Variants in SRD5A2 observed in about 807,000 individuals in gnomAD.
The protein encoded by SRD5A2 is steroid 5 alpha-reductase 2.
A neutral mutation model predicts 27.4 loss-of-function variants in SRD5A2; 30 were observed. The ratio of observed to expected loss-of-function variants is 1.10; its 90% confidence interval spans 0.82 to 1.49. The LOEUF (loss-of-function observed/expected upper bound fraction) is 1.49. SRD5A2 is among the 40% of genes most tolerant of loss of function. The pLI is 0.00. For missense variants in SRD5A2, 348 were observed against 323.4 expected (o/e 1.08, Z -0.58); for synonymous variants, 141 against 133.6 (o/e 1.06, Z -0.38).
the SRD5A2 span, among the ~76,000 whole-genome samples, chr2:31,644,827 G>A: frequency 2.6e-4 from 40 of 152,146 alleles, no homozygotes; most frequent in African/African-American, 9.6e-4. Context: ...TTGTTCCTAG[G>A]AAATACACAC....
At chr2:31,558,534 CTG>C (rs1666548151) in intron 1 of SRD5A2, among the ~76,000 whole-genome samples, 1 of 152,190 alleles carries the variant, frequency 6.6e-6, no homozygotes, top group Non-Finnish European at 1.5e-5. Flanking sequence ...ATGTTTGCCT[CTG>C]TCTTCAGATG....
intron 1 of SRD5A2, among the ~76,000 whole-genome samples, chr2:31,577,611 C>G (rs1666985502): frequency 6.6e-6 from 1 of 152,130 alleles, no homozygotes; most frequent in South Asian, 2.1e-4. Context: ...TGAACAGTCC[C>G]CAATGGACAT....
At chr2:31,644,710 G>A in the SRD5A2 span, among the ~76,000 whole-genome samples, 5 of 152,026 alleles carry the variant, frequency 3.3e-5, no homozygotes, top group African/African-American at 7.2e-5. Flanking sequence ...AGGACATATT[G>A]GAAACAATTG....
chr2:31,652,393 A>G, the SRD5A2 span, among the ~76,000 whole-genome samples: 1 of 152,206 alleles, frequency 6.6e-6, no homozygotes, highest in Non-Finnish European at 1.5e-5. Flanking sequence ...AGTTGGTCAA[A>G]ATATGCACTC....
chr2:31,603,725 G>A, the SRD5A2 span, among the ~76,000 whole-genome samples: 3 of 151,942 alleles, frequency 2.0e-5, no homozygotes, highest in Non-Finnish European at 4.4e-5. Context: ...AAAAAGGAAT[G>A]AGACCATGTC....
At chr2:31,583,640 CAAAAAAAAAACCAAAAAAAAAGCA>C (rs1558379470), upstream of SRD5A2, among the ~76,000 whole-genome samples, 31 of 18,382 alleles carry the variant, frequency 1.7e-3, no homozygotes, top group Non-Finnish European at 1.9e-3. Flanking sequence ...AAAAAAAAAG[CAAAAAAAAAACCAAAAAAAAAGCA>C]AAAAAAAAAA....
chr2:31,602,228 A>C, the SRD5A2 span, among the ~76,000 whole-genome samples: 6 of 152,220 alleles, frequency 3.9e-5, no homozygotes, highest in Middle Eastern at 6.8e-3. Context: ...GGATACAAAA[A>C]TCAATGTGCA....
the SRD5A2 span, among the ~76,000 whole-genome samples, chr2:31,596,940 A>G: frequency 6.6e-6 from 1 of 152,164 alleles, no homozygotes. Context: ...TACAAATTCA[A>G]TGAAATTCCC....
intron 1 of SRD5A2, among the ~76,000 whole-genome samples, chr2:31,555,585 T>C (rs1666478568): frequency 6.6e-6 from 1 of 152,130 alleles, no homozygotes; most frequent in African/African-American, 2.4e-5. Context: ...CCAGCAAAAG[T>C]AGAGCCAAGA....
At chr2:31,591,575 TCCCATTACTGGGTATACA>T in the SRD5A2 span, among the ~76,000 whole-genome samples, 4 of 151,692 alleles carry the variant, frequency 2.6e-5, no homozygotes, top group African/African-American at 9.7e-5. Flanking sequence ...GACCCAGCAA[TCCCATTACTGGGTATACA>T]CCCAAAGGAT....
At chr2:31,592,258 A>G in the SRD5A2 span, among the ~76,000 whole-genome samples, 3 of 152,134 alleles carry the variant, frequency 2.0e-5, no homozygotes, top group Non-Finnish European at 4.4e-5. Context: ...AAGCCATTAC[A>G]GCAACCCATA....
At chr2:31,593,493 G>C in the SRD5A2 span, among the ~76,000 whole-genome samples, 1 of 152,048 alleles carries the variant, frequency 6.6e-6, no homozygotes, top group Non-Finnish European at 1.5e-5. Context: ...AAAACAAAGA[G>C]CAAGAAAGAA....
At chr2:31,607,599 G>A in the SRD5A2 span, among the ~76,000 whole-genome samples, 8 of 151,742 alleles carry the variant, frequency 5.3e-5, no homozygotes, top group Non-Finnish European at 1.2e-4. Context: ...CAAAATATAA[G>A]AGGATTCATA....
At chr2:31,620,037 C>T in the SRD5A2 span, among the ~76,000 whole-genome samples, 1 of 151,900 alleles carries the variant, frequency 6.6e-6, no homozygotes, top group African/African-American at 2.4e-5. Context: ...TGAATGGTAT[C>T]GCTTATGTTG....
At chr2:31,597,118 A>G in the SRD5A2 span, among the ~76,000 whole-genome samples, 2 of 152,318 alleles carry the variant, frequency 1.3e-5, no homozygotes, top group African/African-American at 4.8e-5. Context: ...TACTGATTTA[A>G]AAACAGACAC....
At chr2:31,533,287 G>A (rs567918393) in intron 2 of SRD5A2, among the ~76,000 whole-genome samples, 157 of 152,256 alleles carry the variant, frequency 1.0e-3, no homozygotes, top group African/African-American at 3.5e-3. Context: ...AGAAAAGGAG[G>A]TGCAGGGAGC....
chr2:31,649,018 T>G, the SRD5A2 span, among the ~76,000 whole-genome samples: 2 of 152,168 alleles, frequency 1.3e-5, no homozygotes, highest in African/African-American at 4.8e-5. Context: ...CTCCTGAAAT[T>G]CATGCCCTCT....
the SRD5A2 span, among the ~76,000 whole-genome samples, chr2:31,628,249 C>G: frequency 1.4e-4 from 21 of 151,968 alleles, no homozygotes; most frequent in East Asian, 4.1e-3. Flanking sequence ...TTTTTAATCT[C>G]TGTTATTTTA....
chr2:31,580,589 G>T, intron 1 of SRD5A2, 31 bp downstream of exon 1: 1 of 1,498,028 alleles, frequency 6.7e-7, no homozygotes, highest in Non-Finnish European at 8.9e-7. Context: ...GCAGTGCGCT[G>T]CACTGGGCGC....
Sources: gnomAD v4.1 joint callset for allele counts (sites outside exome capture counted in the v4.1 genomes callset) on GRCh38, gnomAD v4.1.1 for gene constraint, MANE v1.5 for transcripts, NCBI Gene and HGNC (gene_info 2026-07-23, HGNC 2026-07-21) for gene names.